CSMD1: variants seen among roughly 807,000 people sequenced by gnomAD.
The protein encoded by CSMD1 is CUB and sushi domain-containing protein 1.
CSMD1 carries 213 observed loss-of-function variants against 417.5 expected under a neutral mutation model. That is an observed-to-expected ratio of 0.51 (90% CI 0.46 to 0.57). CSMD1 has a LOEUF of 0.57. Ranked by LOEUF, CSMD1 falls within the 20% of genes least tolerant of loss-of-function variation. The pLI, the probability that CSMD1 is intolerant of heterozygous loss-of-function variation, is 0.00. For missense variants in CSMD1, 6,923 were observed against 4,529.7 expected (o/e 1.53, Z -15.17); for synonymous variants, 2,862 against 1,736.8 (o/e 1.65, Z -16.11).
At chr8:3,655,360 T>G (rs1323045139) in intron 7 of CSMD1, among the ~76,000 whole-genome samples, 1 of 152,226 alleles carries the variant, frequency 6.6e-6, no homozygotes, top group African/African-American at 2.4e-5. Context: ...TACAGCGAAT[T>G]TGGCAGTGAT....
intron 3 of CSMD1, among the ~76,000 whole-genome samples, chr8:4,333,960 C>T (rs530908993): frequency 6.6e-6 from 1 of 152,122 alleles, no homozygotes; most frequent in Non-Finnish European, 1.5e-5. Context: ...GACACCATCA[C>T]GGCTCACTGC....
intron 3 of CSMD1, among the ~76,000 whole-genome samples, chr8:4,338,710 T>A (rs1402989026): frequency 6.6e-6 from 1 of 151,526 alleles, no homozygotes; most frequent in East Asian, 1.9e-4. Context: ...TCTACAAGTA[T>A]TTTTTTAACT....
chr8:4,241,239 A>C (rs1261199072), intron 3 of CSMD1, among the ~76,000 whole-genome samples: 4 of 152,188 alleles, frequency 2.6e-5, no homozygotes, highest in Non-Finnish European at 5.9e-5. Flanking sequence ...AGAATTTGAC[A>C]CCCTTCATAT....
At chr8:3,113,612 A>G (rs56072384) in intron 42 of CSMD1, among the ~76,000 whole-genome samples, 19,675 of 152,080 alleles carry the variant, frequency 0.13, 1,532 homozygotes, top group African/African-American at 0.22. Context: ...CCACAACGCC[A>G]CTCTCTATCA....
intron 2 of CSMD1, among the ~76,000 whole-genome samples, chr8:4,442,569 C>G (rs1003081906): frequency 1.2e-4 from 19 of 152,142 alleles, no homozygotes; most frequent in African/African-American, 3.4e-4. Flanking sequence ...GAGATTTTAT[C>G]TTGTTTCACT....
chr8:4,606,030 G>T (rs1800849991), intron 2 of CSMD1, among the ~76,000 whole-genome samples: 1 of 152,190 alleles, frequency 6.6e-6, no homozygotes, highest in African/African-American at 2.4e-5. Flanking sequence ...GACAGGAATG[G>T]TTGGAGTCTA....
At chr8:3,594,938 G>A (rs1801022020) in intron 8 of CSMD1, among the ~76,000 whole-genome samples, 1 of 152,188 alleles carries the variant, frequency 6.6e-6, no homozygotes, top group African/African-American at 2.4e-5. Flanking sequence ...CAGGAATTCA[G>A]AACATCTCCT....
intron 12 of CSMD1, among the ~76,000 whole-genome samples, chr8:3,451,680 T>C (rs1815729096): frequency 1.3e-5 from 2 of 152,310 alleles, no homozygotes; most frequent in South Asian, 2.1e-4. Context: ...TCTATATCTC[T>C]GTTTTGGAAC....
chr8:4,217,765 T>TA (rs1288144385), intron 3 of CSMD1, among the ~76,000 whole-genome samples: 1 of 152,102 alleles, frequency 6.6e-6, no homozygotes, highest in African/African-American at 2.4e-5. Context: ...CTGGAACATT[T>TA]AGGGCAGGAT....
intron 12 of CSMD1, among the ~76,000 whole-genome samples, chr8:3,438,739 T>G (rs574367590): frequency 1.4e-4 from 21 of 152,276 alleles, no homozygotes; most frequent in Non-Finnish European, 2.4e-4. Context: ...TTATGTTATG[T>G]GAACAGAAGC....
At chr8:3,052,001 T>C (rs142494224) in intron 50 of CSMD1, among the ~76,000 whole-genome samples, 103 of 152,356 alleles carry the variant, frequency 6.8e-4, no homozygotes, top group African/African-American at 2.2e-3. Flanking sequence ...TGAGCATCGA[T>C]GTGTTATGCA....
chr8:4,846,329 A>T (rs1801142948), intron 1 of CSMD1, among the ~76,000 whole-genome samples: 1 of 152,106 alleles, frequency 6.6e-6, no homozygotes, highest in South Asian at 2.1e-4. Flanking sequence ...CTGTAAGGAG[A>T]TGTGTGCATA....
At chr8:4,363,478 T>C (rs2043117) in intron 3 of CSMD1, among the ~76,000 whole-genome samples, 108,641 of 151,996 alleles carry the variant, frequency 0.71, 38,877 homozygotes, top group Admixed American at 0.78. Flanking sequence ...CACCACCCCC[T>C]CTCTGGAGGA....
intron 3 of CSMD1, among the ~76,000 whole-genome samples, chr8:4,138,551 T>C (rs1360820355): frequency 1.3e-5 from 2 of 152,108 alleles, no homozygotes; most frequent in African/African-American, 4.8e-5. Flanking sequence ...CTATTTTATC[T>C]AAGAAAGAAT....
At chr8:4,164,706 G>C (rs1369882482) in intron 3 of CSMD1, among the ~76,000 whole-genome samples, 1 of 152,046 alleles carries the variant, frequency 6.6e-6, no homozygotes, top group Non-Finnish European at 1.5e-5. Context: ...CTGAGGTGGA[G>C]GAAAGATTCA....
At position 3,290,432 on chromosome 8, in the gene CSMD1, C is replaced by G. The variant is rs1286461468; in HGVS notation, c.3951-6086G>C. ...TTACCTTGGGCGGTATGGCCATTTT[C>G]ACAATATTGATTCTTCCTACCTATG... On this transcript the variant is annotated intron_variant, in intron 25 of 69. Coordinates refer to ENST00000635120, the MANE Select transcript of CSMD1 (RefSeq NM_033225.6). Among the ~76,000 whole-genome samples the G allele has an allele frequency of 6.1e-5, 9 of 146,364 alleles. 3 individuals carry two copies. The highest frequency in any genetic ancestry group is 1.9e-4 in the African/African-American group (7 of 36,450).
chr8:3,366,715 G>T (rs566987328), intron 20 of CSMD1, among the ~76,000 whole-genome samples: 1 of 152,142 alleles, frequency 6.6e-6, no homozygotes, highest in Non-Finnish European at 1.5e-5. Context: ...TTTCCTCAGA[G>T]ATCTTGTAGA....
At chr8:3,392,041 G>A (rs1339091071) in intron 17 of CSMD1, among the ~76,000 whole-genome samples, 1 of 148,568 alleles carries the variant, frequency 6.7e-6, no homozygotes. Flanking sequence ...TCACTCATAG[G>A]TGGGAATTGA....
At chr8:3,783,368 G>A (rs1211067154) in intron 5 of CSMD1, among the ~76,000 whole-genome samples, 1 of 152,212 alleles carries the variant, frequency 6.6e-6, no homozygotes, top group African/African-American at 2.4e-5. Context: ...AAAGCACCAG[G>A]AAGCAGTCAC....
Sources: gnomAD v4.1 joint callset for allele counts (sites outside exome capture counted in the v4.1 genomes callset) on GRCh38, gnomAD v4.1.1 for gene constraint, MANE v1.5 for transcripts, NCBI Gene and HGNC (gene_info 2026-07-23, HGNC 2026-07-21) for gene names.